LHFPL3: variants seen among roughly 807,000 people sequenced by gnomAD.
LHFPL3 encodes the protein LHFPL tetraspan subfamily member 3 protein.
LHFPL3 carries 5 observed loss-of-function variants against 19.3 expected under a neutral mutation model. The ratio of observed to expected loss-of-function variants is 0.26; its 90% CI spans 0.14 to 0.54. The LOEUF (loss-of-function observed/expected upper bound fraction) is 0.54. Ranked by LOEUF, LHFPL3 falls within the 20% of genes least tolerant of loss-of-function variation. LHFPL3 has a pLI of 0.94. For synonymous variants in LHFPL3, 133 were observed against 126.2 expected, an observed-to-expected ratio of 1.05 and a Z score of -0.36; for missense variants, 249 against 307.4, an observed-to-expected ratio of 0.81 and a Z score of 1.42.
intron 2 of LHFPL3, among the ~76,000 whole-genome samples, chr7:104,865,031 AAACT>A (rs1791693639): frequency 6.9e-6 from 1 of 145,440 alleles, no homozygotes; most frequent in Non-Finnish European, 1.5e-5. Flanking sequence ...GTTAGAAGGA[AAACT>A]AACAAACAGA....
chr7:104,462,532 G>A lies in LHFPL3; in HGVS notation c.445+133308G>A, dbSNP rs373931999. Among the ~76,000 whole-genome samples, 6 of 152,236 alleles carry A rather than the reference G, an allele frequency of 3.9e-5. No homozygotes were observed. The South Asian group carries it at 6.2e-4, about 16-fold the overall frequency. ...ATCTTTAGTTCTGTTTATGTGATGA[G>A]TCACATTTATTGATTTGCGTTATGT... is the stretch of plus-strand genomic sequence containing the variant. On this transcript the variant is annotated intron_variant, in intron 1 of 2. Coordinates refer to ENST00000424859, the MANE Select transcript of LHFPL3 (RefSeq NM_199000.3).
intron 1 of LHFPL3, among the ~76,000 whole-genome samples, chr7:104,554,107 A>T (rs548423251): frequency 6.6e-6 from 1 of 152,314 alleles, no homozygotes; most frequent in East Asian, 1.9e-4. Context: ...TGTCAATATT[A>T]AAATGAATCA....
intron 1 of LHFPL3, among the ~76,000 whole-genome samples, chr7:104,708,442 G>A (rs1315166972): frequency 6.6e-6 from 1 of 152,130 alleles, no homozygotes; most frequent in African/African-American, 2.4e-5. Flanking sequence ...GATATTCCCA[G>A]ACTGCCTCAG....
chr7:104,718,989 C>CA (rs1209260681), intron 1 of LHFPL3, among the ~76,000 whole-genome samples: 3 of 152,094 alleles, frequency 2.0e-5, no homozygotes, highest in African/African-American at 7.2e-5. Flanking sequence ...GATCCTGCGG[C>CA]AAAAATGCTG....
intron 1 of LHFPL3, among the ~76,000 whole-genome samples, chr7:104,729,440 C>T (rs1379635332): frequency 1.3e-5 from 2 of 152,004 alleles, no homozygotes; most frequent in Non-Finnish European, 2.9e-5. Context: ...TAATAGTCAC[C>T]CTACTGTGCA....
intron 1 of LHFPL3, among the ~76,000 whole-genome samples, chr7:104,373,237 A>G (rs2116435510): frequency 6.6e-6 from 1 of 152,332 alleles, no homozygotes; most frequent in Admixed American, 6.5e-5. Flanking sequence ...CCAATTTTTC[A>G]AGACGAGGTG....
intron 2 of LHFPL3, among the ~76,000 whole-genome samples, chr7:104,860,178 CCACACACACA>C (rs10534227): frequency 7.0e-5 from 9 of 128,872 alleles, no homozygotes; most frequent in African/African-American, 1.1e-4. Context: ...ATACACCCAC[CCACACACACA>C]CACACACACA....
intron 2 of LHFPL3, among the ~76,000 whole-genome samples, chr7:104,881,031 G>A (rs111429876): frequency 2.8e-4 from 42 of 152,090 alleles, no homozygotes; most frequent in Middle Eastern, 3.4e-3. Flanking sequence ...TTAGCCGGGC[G>A]TGCTAGCAGG....
At chr7:104,591,166 C>T (rs1044326729) in intron 1 of LHFPL3, among the ~76,000 whole-genome samples, 3 of 152,114 alleles carry the variant, frequency 2.0e-5, no homozygotes, top group African/African-American at 7.2e-5. Context: ...GTGACGTTAG[C>T]TGGTTATTTT....
chr7:104,414,383 C>A (rs529066913), intron 1 of LHFPL3, among the ~76,000 whole-genome samples: 1 of 152,280 alleles, frequency 6.6e-6, no homozygotes, highest in African/African-American at 2.4e-5. Context: ...TTTTGGAAAG[C>A]ATTCTGTAGA....
chr7:104,899,854 C>T (rs1388018870), intron 2 of LHFPL3, among the ~76,000 whole-genome samples: 1 of 152,148 alleles, frequency 6.6e-6, no homozygotes. Context: ...GCCTCAGCCT[C>T]CCAAGTAGCT....
intron 2 of LHFPL3, among the ~76,000 whole-genome samples, chr7:104,825,864 C>G (rs577266325): frequency 6.6e-6 from 1 of 152,016 alleles, no homozygotes; most frequent in Non-Finnish European, 1.5e-5. Context: ...GTTGAGTTAG[C>G]TCTCTTTAAA....
intron 1 of LHFPL3, among the ~76,000 whole-genome samples, chr7:104,404,782 C>G (rs143022720): frequency 3.2e-4 from 49 of 152,264 alleles, no homozygotes; most frequent in African/African-American, 1.2e-3. Context: ...CACCTATGAA[C>G]TTAGCTAAAT....
In LHFPL3 at chr7:104,596,545, G is replaced by A. The variant is rs182911800; in HGVS notation, c.446-140130G>A. On this transcript the variant is annotated intron_variant, in intron 1 of 2. Transcript: ENST00000424859. ...TTCCTGCATCTTTCTGGATCTTATC[G>A]AATGATTAGGAAATTAAAACCCCTC... Among the ~76,000 whole-genome samples, 386 of 152,250 alleles carry A rather than the reference G, an allele frequency of 2.5e-3. 2 individuals are homozygous for A. The highest frequency in any genetic ancestry group is 7.0e-3 in the African/African-American group (289 of 41,538).
intron 1 of LHFPL3, among the ~76,000 whole-genome samples, chr7:104,673,640 G>T (rs904671086): frequency 6.6e-6 from 1 of 152,158 alleles, no homozygotes; most frequent in African/African-American, 2.4e-5. Flanking sequence ...ATGCAAGTAT[G>T]GAACAATGAG....
At chr7:104,674,372 CTTTTT>C (rs531335106) in intron 1 of LHFPL3, among the ~76,000 whole-genome samples, 3 of 134,704 alleles carry the variant, frequency 2.2e-5, no homozygotes, top group Admixed American at 7.5e-5. Context: ...TTTTCTTTTT[CTTTTT>C]TTTTTTTTTT....
intron 1 of LHFPL3, among the ~76,000 whole-genome samples, chr7:104,424,715 G>A (rs957336762): frequency 6.6e-6 from 1 of 152,114 alleles, no homozygotes. Flanking sequence ...GACTTGGCCG[G>A]GCGCGGTGGC....
chr7:104,648,626 G>A (rs1323352990), intron 1 of LHFPL3, among the ~76,000 whole-genome samples: 1 of 152,124 alleles, frequency 6.6e-6, no homozygotes, highest in African/African-American at 2.4e-5. Context: ...TTCTCTTTTA[G>A]ATTAATGTGG....
intron 1 of LHFPL3, among the ~76,000 whole-genome samples, chr7:104,392,484 A>G (rs558645666): frequency 5.3e-5 from 8 of 151,948 alleles, no homozygotes; most frequent in Non-Finnish European, 1.0e-4. Flanking sequence ...ATGCTGGATT[A>G]CATTTATTGA....
Sources: gnomAD v4.1 joint callset for allele counts (sites outside exome capture counted in the v4.1 genomes callset) on GRCh38, gnomAD v4.1.1 for gene constraint, MANE v1.5 for transcripts, NCBI Gene and HGNC (gene_info 2026-07-23, HGNC 2026-07-21) for gene names.